TYW1B: variants seen among roughly 807,000 people sequenced by gnomAD.
TYW1B encodes S-adenosyl-L-methionine-dependent tRNA 4-demethylwyosine synthase TYW1B.
A neutral mutation model predicts 86.9 loss-of-function variants in TYW1B; 73 were observed. The ratio of observed to expected loss-of-function variants is 0.84; its 90% CI spans 0.70 to 1.02. The LOEUF (loss-of-function observed/expected upper bound fraction) is 1.02. TYW1B is among the 50% of genes least tolerant of loss of function. The pLI is 0.00. For synonymous variants in TYW1B, 248 were observed against 292.8 expected, an observed-to-expected ratio of 0.85 and a Z score of 1.56; for missense variants, 637 against 827.4, an observed-to-expected ratio of 0.77 and a Z score of 2.82.
intron 13 of TYW1B, among the ~76,000 whole-genome samples, chr7:72,587,897 C>T (rs562712124): frequency 1.3e-5 from 2 of 152,250 alleles, no homozygotes; most frequent in South Asian, 2.1e-4. Context: ...AAGATGCAGT[C>T]AGTTAGGTGA....
chr7:72,754,232 C>T (rs1554465586), intron 7 of TYW1B, among the ~76,000 whole-genome samples: 1 of 152,090 alleles, frequency 6.6e-6, no homozygotes, highest in Non-Finnish European at 1.5e-5. Context: ...CTCCACCTCC[C>T]GGGTTCAAGC....
intron 11 of TYW1B, among the ~76,000 whole-genome samples, chr7:72,686,222 G>A (rs1814003114): frequency 6.6e-6 from 1 of 152,130 alleles, no homozygotes; most frequent in Non-Finnish European, 1.5e-5. Flanking sequence ...TTTACTCCAA[G>A]GAGCTGAAAA....
chr7:72,626,692 C>T (rs531150604), intron 12 of TYW1B, among the ~76,000 whole-genome samples: 24 of 151,672 alleles, frequency 1.6e-4, no homozygotes, highest in Admixed American at 6.6e-4. Context: ...CCTAGCAAAA[C>T]GTTTTATTGG....
At chr7:72,756,113 T>C (rs148248609) in intron 7 of TYW1B, among the ~76,000 whole-genome samples, 2 of 152,276 alleles carry the variant, frequency 1.3e-5, no homozygotes, top group Non-Finnish European at 2.9e-5. Context: ...GAACCCAGGA[T>C]AGAAATGTTT....
At chr7:72,697,926 T>C (rs1452034829) in intron 10 of TYW1B, 1 of 153,706 alleles carries the variant, frequency 6.5e-6, no homozygotes, top group Non-Finnish European at 1.5e-5. Context: ...ATCAGGCCTC[T>C]TTCTACCTTC....
chr7:72,779,031 A>T lies in TYW1B; in HGVS notation c.847-1498T>A, dbSNP rs1585977529. The stretch of plus-strand genomic sequence containing the variant: ...AATAATTTCAGAGACAACACACGAG[A>T]TCTGTGTTACACTTTAGGGGAGATA... On this transcript the variant is annotated intron_variant, in intron 6 of 13. Transcript: ENST00000620995. 3.3e-5 allele frequency among the ~76,000 whole-genome samples: 5 copies of T among 151,952 alleles called. 1 individual carries two copies. In the South Asian group the frequency reaches 1.0e-3, roughly 32 times the overall value.
intron 11 of TYW1B, among the ~76,000 whole-genome samples, chr7:72,634,825 T>C (rs1812628964): frequency 6.6e-6 from 1 of 152,188 alleles, no homozygotes; most frequent in Non-Finnish European, 1.5e-5. Flanking sequence ...ATGTCTCTGT[T>C]GGAATATTTG....
intron 11 of TYW1B, among the ~76,000 whole-genome samples, chr7:72,670,201 CT>C (rs1324000653): frequency 6.6e-6 from 1 of 152,056 alleles, no homozygotes; most frequent in Non-Finnish European, 1.5e-5. Context: ...CATGTGTTAT[CT>C]TTTTTTGAGA....
At chr7:72,685,415 C>A (rs1296514027) in intron 11 of TYW1B, among the ~76,000 whole-genome samples, 2 of 152,200 alleles carry the variant, frequency 1.3e-5, no homozygotes, top group African/African-American at 4.8e-5. Flanking sequence ...GTTAATCCAA[C>A]TATATCAGAT....
At chr7:72,726,649 G>T (rs1787003398) in intron 9 of TYW1B, among the ~76,000 whole-genome samples, 1 of 152,054 alleles carries the variant, frequency 6.6e-6, no homozygotes, top group Non-Finnish European at 1.5e-5. Flanking sequence ...CAAGCGTGAG[G>T]CACCGTGCCG....
intron 11 of TYW1B, among the ~76,000 whole-genome samples, chr7:72,676,056 G>A (rs1381409353): frequency 3.9e-5 from 6 of 152,240 alleles, no homozygotes; most frequent in African/African-American, 1.4e-4. Context: ...AACGGTTATG[G>A]TTAACAAACT....
chr7:72,595,362 A>AAAAAAC (rs1194102397), intron 13 of TYW1B, among the ~76,000 whole-genome samples: 1 of 152,304 alleles, frequency 6.6e-6, no homozygotes, highest in Admixed American at 6.5e-5. Flanking sequence ...ATCTGAAAAG[A>AAAAAAC]AAAAACAAAA....
At chr7:72,697,117 GT>G (rs1554451640) in intron 10 of TYW1B, among the ~76,000 whole-genome samples, 1 of 149,068 alleles carries the variant, frequency 6.7e-6, no homozygotes, top group East Asian at 2.1e-4. Context: ...ACAGGACTTT[GT>G]CAAAAGCTTC....
At chr7:72,605,324 C>T (rs1811767360) in intron 13 of TYW1B, among the ~76,000 whole-genome samples, 1 of 151,288 alleles carries the variant, frequency 6.6e-6, no homozygotes, top group African/African-American at 2.4e-5. Context: ...TCTGGAATCC[C>T]TCTGGAATGT....
At chr7:72,707,397 C>T (rs1216372030) in intron 10 of TYW1B, among the ~76,000 whole-genome samples, 1 of 152,210 alleles carries the variant, frequency 6.6e-6, no homozygotes. Context: ...GACTTCCAGG[C>T]TGATCTGAAG....
intron 11 of TYW1B, among the ~76,000 whole-genome samples, chr7:72,692,294 A>T (rs1554450471): frequency 6.6e-6 from 1 of 151,828 alleles, no homozygotes. Flanking sequence ...TATAATCCCA[A>T]CACTTCCAAG....
intron 13 of TYW1B, among the ~76,000 whole-genome samples, chr7:72,583,388 G>T (rs1274813296): frequency 1.3e-5 from 2 of 152,118 alleles, no homozygotes; most frequent in Non-Finnish European, 2.9e-5. Context: ...CGGGTTGGGG[G>T]TGCAGGGGCG....
At chr7:72,781,865 A>G (rs1228340603) in intron 6 of TYW1B, among the ~76,000 whole-genome samples, 1 of 152,228 alleles carries the variant, frequency 6.6e-6, no homozygotes, top group Non-Finnish European at 1.5e-5. Context: ...CTTCCTAAGC[A>G]CTTATGAAAA....
At chr7:72,807,382 A>C (rs1788519253) in intron 4 of TYW1B, 26 bp from the exon 5 acceptor site, 1 of 1,602,726 alleles carries the variant, frequency 6.2e-7, no homozygotes, top group Non-Finnish European at 8.5e-7. Context: ...AGATAGGCTA[A>C]AAGCACGGTT....
Sources: allele counts gnomAD v4.1 joint callset (sites outside exome capture counted in the v4.1 genomes callset), GRCh38; gene constraint gnomAD v4.1.1; transcripts MANE v1.5; gene names NCBI Gene and HGNC (gene_info 2026-07-23, HGNC 2026-07-21).